The following TP63 variants were observed in gnomAD, a reference collection of about 807,000 sequenced individuals.
TP63 encodes the protein tumor protein 63.
In TP63, 17 loss-of-function variants were observed where a neutral mutation model predicts 82.8. The ratio of observed to expected loss-of-function variants is 0.21; its 90% CI spans 0.14 to 0.31. The LOEUF is 0.31. Among genes scored for constraint, TP63 ranks in the 10% least tolerant of loss-of-function variants. TP63 has a pLI of 1.00. For missense variants in TP63, 648 were observed against 895.3 expected, an observed-to-expected ratio of 0.72 and a Z score of 3.52; for synonymous variants, 330 against 321.7, an observed-to-expected ratio of 1.03 and a Z score of -0.28.
chr3:189,831,466 C>G (rs183740975), intron 4 of TP63, among the ~76,000 whole-genome samples: 1 of 151,832 alleles, frequency 6.6e-6, no homozygotes, highest in Non-Finnish European at 1.5e-5. Flanking sequence ...TGATATCATT[C>G]GAGCTTCACA....
At chr3:189,861,391 C>T (rs994162508) in intron 4 of TP63, among the ~76,000 whole-genome samples, 5 of 144,146 alleles carry the variant, frequency 3.5e-5, no homozygotes, top group African/African-American at 7.7e-5. Flanking sequence ...AGCATTAAAA[C>T]GTTTGTATGG....
chr3:189,889,585 A>G (rs1472090600), intron 12 of TP63, 101 bp downstream of exon 12: 1 of 1,524,168 alleles, frequency 6.6e-7, no homozygotes, highest in East Asian at 2.3e-5. Context: ...AAGGGAAGAC[A>G]GCAGTCCTGT....
chr3:189,698,475 C>T (rs1443224230), intron 1 of TP63, among the ~76,000 whole-genome samples: 3 of 151,868 alleles, frequency 2.0e-5, no homozygotes, highest in Admixed American at 6.6e-5. Flanking sequence ...TGTTATTTCT[C>T]GAAGGGGGAA....
Position 189,739,785 on chromosome 3 carries a change from CTT to C in TP63, c.324+1026_324+1027del, listed in dbSNP as rs200515220. Among the ~76,000 whole-genome samples the C allele has an allele frequency of 9.7e-3, 1,228 of 126,446 alleles. 4 individuals carry two copies. The highest frequency in any genetic ancestry group is 0.015 in the Non-Finnish European group (866 of 58,716). 83.0% of individuals were successfully genotyped at this position (126,446 alleles called of 152,430 possible). Reference sequence around the variant, plus strand: ...CAGTTTCATAATGCTGGTGGGTTTTCTTTTTTTTTTTTTTTTAATCATTTATT... The same window carrying C: ...CAGTTTCATAATGCTGGTGGGTTTTCTTTTTTTTTTTTTTAATCATTTATT... On this transcript the variant is annotated intron_variant, in intron 3 of 13. Coordinates refer to ENST00000264731, the MANE Select transcript of TP63 (RefSeq NM_003722.5).
intron 12 of TP63, among the ~76,000 whole-genome samples, chr3:189,890,175 T>G (rs1720870395): frequency 6.6e-6 from 1 of 152,198 alleles, no homozygotes; most frequent in Admixed American, 6.5e-5. Flanking sequence ...TTTGTGTTGA[T>G]TTTCCTGCTA....
At chr3:189,643,835 AC>A (rs1263849241) in intron 1 of TP63, among the ~76,000 whole-genome samples, 1 of 152,170 alleles carries the variant, frequency 6.6e-6, no homozygotes, top group Non-Finnish European at 1.5e-5. Context: ...TATTTTTTAG[AC>A]AACACTGCTG....
At chr3:189,632,057 GA>G (rs34234442) in intron 1 of TP63, among the ~76,000 whole-genome samples, 17,963 of 152,094 alleles carry the variant, frequency 0.12, 1,453 homozygotes, top group East Asian at 0.4. Flanking sequence ...GTTTGATAAT[GA>G]AAATCTTTTG....
intron 4 of TP63, among the ~76,000 whole-genome samples, chr3:189,843,597 A>G (rs1264683371): frequency 2.0e-5 from 3 of 152,188 alleles, no homozygotes; most frequent in African/African-American, 4.8e-5. Context: ...TGTGGGGCCA[A>G]TGTTGGGATC....
At chr3:189,651,123 G>A (rs764521203) in intron 1 of TP63, among the ~76,000 whole-genome samples, 1 of 147,444 alleles carries the variant, frequency 6.8e-6, no homozygotes, top group Non-Finnish European at 1.5e-5. Context: ...AGAGATCTGT[G>A]TGACATTGAA....
chr3:189,786,303 G>T (rs1470903907), intron 3 of TP63, among the ~76,000 whole-genome samples: 3 of 151,666 alleles, frequency 2.0e-5, no homozygotes, highest in African/African-American at 7.3e-5. Flanking sequence ...CATTGGGCTG[G>T]GAAAGGCCTT....
chr3:189,788,810 T>G (rs1724830031), intron 3 of TP63, among the ~76,000 whole-genome samples: 1 of 151,994 alleles, frequency 6.6e-6, no homozygotes, highest in African/African-American at 2.4e-5. Flanking sequence ...CTTATTCCAC[T>G]AATCATTTAC....
intron 4 of TP63, among the ~76,000 whole-genome samples, chr3:189,811,725 A>G (rs1224052995): frequency 6.6e-6 from 1 of 152,208 alleles, no homozygotes; most frequent in Non-Finnish European, 1.5e-5. Flanking sequence ...AGGAAACTTG[A>G]AGATGTAAAG....
intron 9 of TP63, among the ~76,000 whole-genome samples, chr3:189,869,865 G>C (rs1403817852): frequency 1.3e-5 from 2 of 152,050 alleles, no homozygotes; most frequent in Non-Finnish European, 2.9e-5. Context: ...GAAACCTTCA[G>C]TCCATAATGG....
chr3:189,714,913 G>T (rs994297584), intron 1 of TP63, among the ~76,000 whole-genome samples: 1 of 152,124 alleles, frequency 6.6e-6, no homozygotes, highest in African/African-American at 2.4e-5. Flanking sequence ...GAAGCACTGG[G>T]AGAGAAACAG....
chr3:189,656,032 A>G (rs1713322368), intron 1 of TP63, among the ~76,000 whole-genome samples: 1 of 152,200 alleles, frequency 6.6e-6, no homozygotes. Flanking sequence ...ATGCCTTAGT[A>G]AGAAAGAAAA....
chr3:189,830,608 G>A (rs1454876639), intron 4 of TP63, among the ~76,000 whole-genome samples: 1 of 151,952 alleles, frequency 6.6e-6, no homozygotes, highest in Non-Finnish European at 1.5e-5. Flanking sequence ...TACATAACAC[G>A]CAATTTTGTT....
intron 4 of TP63, among the ~76,000 whole-genome samples, chr3:189,823,003 G>A (rs1253855236): frequency 6.6e-5 from 10 of 152,204 alleles, no homozygotes; most frequent in Admixed American, 3.3e-4. Flanking sequence ...AAACAATCAA[G>A]CAGCCTCTGA....
chr3:189,603,561 C>T, the TP63 span, among the ~76,000 whole-genome samples: 4 of 149,066 alleles, frequency 2.7e-5, no homozygotes, highest in Admixed American at 6.8e-5. Context: ...TTCTGCTTTT[C>T]CCTTGCCAGG....
chr3:189,723,484 T>A (rs1352560721), intron 1 of TP63, among the ~76,000 whole-genome samples: 2 of 152,258 alleles, frequency 1.3e-5, no homozygotes, highest in Non-Finnish European at 2.9e-5. Context: ...TAGCTATCGA[T>A]TCTCTTATTG....
Sources: gnomAD v4.1 joint callset for allele counts (sites outside exome capture counted in the v4.1 genomes callset) on GRCh38, gnomAD v4.1.1 for gene constraint, MANE v1.5 for transcripts, NCBI Gene and HGNC (gene_info 2026-07-23, HGNC 2026-07-21) for gene names.